Variants in TMEM210 observed in about 807,000 individuals in gnomAD.
TMEM210 encodes transmembrane protein 210.
In TMEM210, 7 loss-of-function variants were observed where a neutral mutation model predicts 10.3. The ratio of observed to expected loss-of-function variants is 0.68; its 90% confidence interval spans 0.39 to 1.28. TMEM210 has a LOEUF of 1.28. Ranked by LOEUF, TMEM210 falls within the 50% of genes most tolerant of loss-of-function variation. The pLI, the probability that TMEM210 is intolerant of heterozygous loss-of-function variation, is 0.01. For missense variants in TMEM210, 185 were observed against 197.8 expected (o/e 0.94, Z 0.39); for synonymous variants, 79 against 81.2 (o/e 0.97, Z 0.14).
chr9:137,171,247 A>G, intron 3 of TMEM210, 83 bp from the exon 4 acceptor site: 1 of 1,482,706 alleles, frequency 6.7e-7, no homozygotes, highest in South Asian at 1.3e-5. Context: ...GTGCACCCCC[A>G]CAAAGGGCCT....
chr9:137,171,437 T>C lies in TMEM210; in HGVS notation c.231A>G (p.Thr77=). Reference sequence around the variant, plus strand: ...ACCTGTTGTCCACTTGTCTCGGGCATGTTTCACTGAGGGGACGAAGGCCAA... The same window carrying C: ...ACCTGTTGTCCACTTGTCTCGGGCACGTTTCACTGAGGGGACGAAGGCCAA... ...AIGVLRAKGE[T]CPRQVDNRLV... Residue 77 remains threonine (T), a synonymous_variant, in exon 3 of 4, where the codon ACA becomes ACG. Transcript: ENST00000413619. The C allele has an allele frequency of 6.5e-7, 1 of 1,535,538 alleles. No individual in the cohort carries two copies. Among genetic ancestry groups the C allele is most frequent in the South Asian group, 1.2e-5 (1 of 84,052 alleles).
At position 137,171,999 on chromosome 9, in the gene TMEM210, C is replaced by T. The variant is rs769416735; in HGVS notation, c.29G>A (p.Cys10Tyr). ...GAGGCCCAAGGGGCCACCACGCAGG[C>T]AGGACACAGGCCAGGGACCGGGGGC... MAPGPWPVS[C>Y]LRGGPLGLTY... Residue 10 changes from cysteine to tyrosine, a missense_variant, in exon 1 of 4, where the codon TGC (cysteine) becomes TAC (tyrosine). By Grantham distance (194) the Cys-to-Tyr change is radical. Coordinates refer to ENST00000413619, the MANE Select transcript of TMEM210 (RefSeq NM_001282477.2). 2 of 1,415,112 alleles carry T rather than the reference C, an allele frequency of 1.4e-6. No individual in the cohort carries two copies. Among genetic ancestry groups the T allele is most frequent in the Non-Finnish European group, 1.8e-6 (2 of 1,088,822 alleles). 87.7% of individuals were successfully genotyped at this position (1,415,112 alleles called of 1,614,324 possible).
intron 2 of TMEM210, 58 bp from the exon 3 acceptor site, chr9:137,171,501 C>T: frequency 6.5e-7 from 1 of 1,535,388 alleles, no homozygotes; most frequent in South Asian, 1.2e-5. Context: ...CGGAGCTCCC[C>T]CAGCACACGC....
At position 137,171,180 on chromosome 9, in the gene TMEM210, G is replaced by C; in HGVS notation, c.255-16C>G. ...CTCCACCAACCTGCATGACGGGCCGGGTCATCACGAGCTGGTAGAGTCCTT... is the reference window on the plus strand; with the variant it reads ...CTCCACCAACCTGCATGACGGGCCGCGTCATCACGAGCTGGTAGAGTCCTT... On this transcript the variant is annotated splice_polypyrimidine_tract_variant and intron_variant, in intron 3 of 3. Transcript: ENST00000413619. The C allele has an allele frequency of 6.5e-7, 1 of 1,532,584 alleles. No homozygotes were observed. Among genetic ancestry groups the C allele is most frequent in the Non-Finnish European group, 8.7e-7 (1 of 1,144,752 alleles). 94.9% of individuals were successfully genotyped at this position (1,532,584 alleles called of 1,614,324 possible).
In TMEM210 at chr9:137,171,998, G is replaced by A. The variant is rs771167031; in HGVS notation, c.30C>T (p.Cys10=). The stretch of plus-strand genomic sequence containing the variant: ...TGAGGCCCAAGGGGCCACCACGCAG[G>A]CAGGACACAGGCCAGGGACCGGGGG... MAPGPWPVS[C]LRGGPLGLTY... Residue 10 remains cysteine (C), a synonymous_variant, in exon 1 of 4, where the codon TGC becomes TGT. Coordinates refer to ENST00000413619, the MANE Select transcript of TMEM210 (RefSeq NM_001282477.2). 1.5e-5 allele frequency: 21 copies of A among 1,415,672 alleles called. No homozygotes were observed. Among genetic ancestry groups the A allele is most frequent in the Non-Finnish European group, 1.1e-5 (12 of 1,089,134 alleles). The allele number at this position is 1,415,672 out of a possible 1,614,324, so 87.7% of individuals were successfully genotyped here. A position where few individuals can be genotyped will look rare whatever the true frequency, so the allele number is the denominator to read the frequency against.
Position 137,171,702 on chromosome 9 carries a change from T to G in TMEM210, c.163A>C (p.Ile55Leu), listed in dbSNP as rs1407843934. 2.0e-6 allele frequency: 3 copies of G among 1,535,538 alleles called. No homozygotes were observed. The highest frequency in any genetic ancestry group is 3.9e-5 in the Admixed American group (2 of 50,976). Residue 55 changes from isoleucine to leucine, a missense_variant, in exon 2 of 4, where the codon ATC becomes CTC. By Grantham distance (5) the Ile-to-Leu change is conservative. Coordinates refer to ENST00000413619, the MANE Select transcript of TMEM210 (RefSeq NM_001282477.2). ...AGGGCACAGAAGCAGCTGGCACTGA[T>G]GCCCGCCAGCACCACAAGGAGGGCG... ...LIALLVVLAGISASCFCALVI... is the reference protein window; with the variant it reads ...LIALLVVLAGLSASCFCALVI...
chr9:137,171,345 G>C (rs1834103287), intron 3 of TMEM210, 69 bp downstream of exon 3: 1 of 1,531,188 alleles, frequency 6.5e-7, no homozygotes, highest in African/African-American at 1.4e-5. Context: ...ACTCCCCTGG[G>C]ATAGCTCCCC....
chr9:137,171,639 A>G lies in TMEM210; in HGVS notation c.224+2T>C. The stretch of plus-strand genomic sequence containing the variant: ...CCTCTCCCGGCCCCAGGGTTCACGC[A>G]CCCCTTGGCCCGCAAGACACCAATT... On this transcript the variant is annotated splice_donor_variant, in intron 2 of 3. Transcript: ENST00000413619. LOFTEE classifies it high-confidence loss of function. The G allele has an allele frequency of 1.3e-6, 2 of 1,533,296 alleles. No individual in the cohort carries two copies. Among genetic ancestry groups the G allele is most frequent in the African/African-American group, 1.4e-5 (1 of 73,048 alleles). The allele number at this position is 1,533,296 out of a possible 1,614,324, so 95.0% of individuals were successfully genotyped here.
intron 2 of TMEM210, 47 bp from the exon 3 acceptor site, chr9:137,171,490 C>A (rs1834106519): frequency 6.5e-7 from 1 of 1,535,344 alleles, no homozygotes; most frequent in East Asian, 2.4e-5. Context: ...TGCTGGGCCC[C>A]CGGAGCTCCC....
Position 137,171,016 on chromosome 9 carries a change from A to G in TMEM210, c.403T>C (p.Ser135Pro). Residue 135 changes from serine (S) to proline (P), a missense_variant, in exon 4 of 4, where the codon TCA (serine) becomes CCA (proline). Transcript: ENST00000413619. ...SLVAIPMEAS[S>P]EEPPPPPPLP... is the part of the protein sequence containing the mutation. ...GGCGGGGGTGGTGGCGGCTCCTCTGAAGAAGCCTCCATGGGGATGGCCACA... is the reference window on the plus strand; with the variant it reads ...GGCGGGGGTGGTGGCGGCTCCTCTGGAGAAGCCTCCATGGGGATGGCCACA... The G allele has an allele frequency of 6.5e-7, 1 of 1,535,046 alleles. No homozygotes were observed. Among genetic ancestry groups the G allele is most frequent in the Non-Finnish European group, 8.7e-7 (1 of 1,146,404 alleles).
In TMEM210 at chr9:137,171,018, G is replaced by A; in HGVS notation, c.401C>T (p.Ser134Phe). 6.5e-7 allele frequency: 1 copy of A among 1,535,196 alleles called. No homozygotes were observed. Among genetic ancestry groups the A allele is most frequent in the Middle Eastern group, 1.7e-4 (1 of 5,944 alleles). ...QSLVAIPMEASSEEPPPPPPL... is the reference protein window; with the variant it reads ...QSLVAIPMEAFSEEPPPPPPL... ...CGGGGGTGGTGGCGGCTCCTCTGAA[G>A]AAGCCTCCATGGGGATGGCCACAAG... The change falls in exon 4 of 4, where the codon TCT (serine) becomes TTT (phenylalanine). Residue 134 changes from serine to phenylalanine, a missense_variant. By Grantham distance (155) the Ser-to-Phe change is radical. Transcript: ENST00000413619.
rs956403066 is a variant in TMEM210 at position 137,170,871 on chromosome 9, C to T, written c.*104G>A. ...GGACGGTGCACAACCACTAAACAAGCTTTAATTCCCCTCCCCCAGCTGCCC... is the reference window on the plus strand; with the variant it reads ...GGACGGTGCACAACCACTAAACAAGTTTTAATTCCCCTCCCCCAGCTGCCC... On this transcript the variant is annotated 3_prime_UTR_variant, in exon 4 of 4. Coordinates refer to ENST00000413619, the MANE Select transcript of TMEM210 (RefSeq NM_001282477.2). 1.5e-6 allele frequency: 2 copies of T among 1,315,062 alleles called. No homozygotes were observed. Among genetic ancestry groups the T allele is most frequent in the Admixed American group, 5.0e-5 (2 of 39,810 alleles). The allele number at this position is 1,315,062 out of a possible 1,614,324, so 81.5% of individuals were successfully genotyped here.
chr9:137,171,275 C>A, intron 3 of TMEM210, 111 bp from the exon 4 acceptor site: 2 of 1,478,776 alleles, frequency 1.4e-6, no homozygotes, highest in South Asian at 1.2e-5. Context: ...GACAGCACAC[C>A]TCCTCTTCCA....
chr9:137,170,938 A>G lies in TMEM210; in HGVS notation c.*37T>C, dbSNP rs1366430437. On this transcript the variant is annotated 3_prime_UTR_variant, in exon 4 of 4. Coordinates refer to ENST00000413619, the MANE Select transcript of TMEM210 (RefSeq NM_001282477.2). The stretch of plus-strand genomic sequence containing the variant: ...GGAGGACAGTGCACAGCCACTAAAT[A>G]CGCTTTAATTCCCCTCCCCCAGCTG... 1.3e-6 allele frequency: 2 copies of G among 1,516,270 alleles called. No individual in the cohort carries two copies. Among genetic ancestry groups the G allele is most frequent in the Admixed American group, 4.0e-5 (2 of 49,454 alleles). The allele number at this position is 1,516,270 out of a possible 1,614,324, so 93.9% of individuals were successfully genotyped here.
In TMEM210 at chr9:137,171,676, G is replaced by A. The variant is rs897634575; in HGVS notation, c.189C>T (p.Leu63=). ...AGISASCFCA[L]VIVAIGVLRA... ...GCAAGACACCAATTGCCACGATGAC[G>A]AGGGCACAGAAGCAGCTGGCACTGA... Residue 63 remains leucine, a synonymous_variant, in exon 2 of 4, where the codon CTC becomes CTT. Coordinates refer to ENST00000413619, the MANE Select transcript of TMEM210 (RefSeq NM_001282477.2). 34 of 1,535,236 alleles carry A rather than the reference G, an allele frequency of 2.2e-5. No individual in the cohort carries two copies. The highest frequency in any genetic ancestry group is 2.2e-4 in the African/African-American group (16 of 73,040).
rs747035799 is a variant in TMEM210 at position 137,171,992 on chromosome 9, A to T, written c.36T>A (p.Arg12=). 9.9e-6 allele frequency: 14 copies of T among 1,415,462 alleles called. No individual in the cohort carries two copies. In the Admixed American group the frequency reaches 4.4e-4, roughly 44 times the overall value. 87.7% of individuals were successfully genotyped at this position (1,415,462 alleles called of 1,614,324 possible). ...APGPWPVSCL[R]GGPLGLTYLS... ...AATATGTGAGGCCCAAGGGGCCACC[A>T]CGCAGGCAGGACACAGGCCAGGGAC... is the stretch of plus-strand genomic sequence containing the variant. Residue 12 remains arginine (R), a synonymous_variant, in exon 1 of 4, where the codon CGT becomes CGA. Coordinates refer to ENST00000413619, the MANE Select transcript of TMEM210 (RefSeq NM_001282477.2).
chr9:137,171,474 G>A (rs751234039), intron 2 of TMEM210, 31 bp from the exon 3 acceptor site: 2 of 1,535,462 alleles, frequency 1.3e-6, no homozygotes, highest in South Asian at 1.2e-5. Flanking sequence ...ATGAGTCCTG[G>A]AACAGTGCTG....
chr9:137,170,906 C>A lies in TMEM210; in HGVS notation c.*69G>T. The A allele has an allele frequency of 7.0e-7, 1 of 1,438,736 alleles. No homozygotes were observed. Among genetic ancestry groups the A allele is most frequent in the Non-Finnish European group, 9.2e-7 (1 of 1,081,928 alleles). The allele number at this position is 1,438,736 out of a possible 1,614,324, so 89.1% of individuals were successfully genotyped here. A position where few individuals can be genotyped will look rare whatever the true frequency, so the allele number is the denominator to read the frequency against. ...CCTCCCCCAGCTGCCCTCAGGAGGG[C>A]CTGCAGGGAGGACAGTGCACAGCCA... On this transcript the variant is annotated 3_prime_UTR_variant, in exon 4 of 4. Coordinates refer to ENST00000413619, the MANE Select transcript of TMEM210 (RefSeq NM_001282477.2).
At position 137,171,643 on chromosome 9, in the gene TMEM210, C is replaced by T. The variant is rs2131323956; in HGVS notation, c.222G>A (p.Lys74=). ...TCCCGGCCCCAGGGTTCACGCACCC[C>T]TTGGCCCGCAAGACACCAATTGCCA... ...VIVAIGVLRA[K]GETCPRQVDN... Residue 74 remains lysine, a splice_region_variant and synonymous_variant, in exon 2 of 4, where the codon AAG becomes AAA. Transcript: ENST00000413619. 1.3e-6 allele frequency: 2 copies of T among 1,534,142 alleles called. No homozygotes were observed. Among genetic ancestry groups the T allele is most frequent in the Admixed American group, 2.0e-5 (1 of 50,892 alleles).
Sources: gnomAD v4.1 joint callset for allele counts on GRCh38, gnomAD v4.1.1 for gene constraint, MANE v1.5 for transcripts, NCBI Gene and HGNC (gene_info 2026-07-23, HGNC 2026-07-21) for gene names.